ARHGAP6: variants seen among roughly 807,000 people sequenced by gnomAD.
ARHGAP6 encodes the protein Rho GTPase activating protein 6.
Under a neutral mutation model 55.7 loss-of-function variants are expected in ARHGAP6, and 16 were observed. The ratio of observed to expected loss-of-function variants is 0.29; its 90% CI spans 0.19 to 0.44. The LOEUF is 0.44. Ranked by LOEUF, ARHGAP6 falls within the 20% of genes least tolerant of loss-of-function variation. The probability of loss-of-function intolerance (pLI) is 1.00; values close to 1 mark genes in which losing one functional copy is unlikely to be tolerated. For missense variants in ARHGAP6, 698 were observed against 808.9 expected, an observed-to-expected ratio of 0.86 and a Z score of 1.66; for synonymous variants, 382 against 360.9, an observed-to-expected ratio of 1.06 and a Z score of -0.66.
intron 1 of ARHGAP6, among the ~76,000 whole-genome samples, chrX:11,344,694 A>AG (rs1267724989): frequency 0.013 from 1,277 of 101,245 alleles, 37 homozygotes; most frequent in African/African-American, 0.036. Context: ...AAAAAAAAAA[A>AG]AAAAAAAAAA....
chrX:11,543,521 T>C (rs987238044), intron 1 of ARHGAP6, among the ~76,000 whole-genome samples: 1 of 112,107 alleles, frequency 8.9e-6, no homozygotes, highest in Non-Finnish European at 1.9e-5. Context: ...CACAAAGAAT[T>C]ATCCAGTTCC....
chrX:11,153,440 G>A (rs771642652), intron 10 of ARHGAP6, among the ~76,000 whole-genome samples: 7 of 100,134 alleles, frequency 7.0e-5, no homozygotes, highest in Admixed American at 4.6e-4. Context: ...CAGGAGAATC[G>A]TTTGAACCCG....
At chrX:11,388,878 C>T (rs2049366944) in intron 1 of ARHGAP6, among the ~76,000 whole-genome samples, 1 of 111,727 alleles carries the variant, frequency 9.0e-6, no homozygotes, top group African/African-American at 3.3e-5. Context: ...AAATAGAAAT[C>T]CAGTGTACCA....
At chrX:11,303,787 T>C (rs1179654476) in intron 1 of ARHGAP6, among the ~76,000 whole-genome samples, 1 of 111,411 alleles carries the variant, frequency 9.0e-6, no homozygotes, top group Non-Finnish European at 1.9e-5. Context: ...AACCAAACCG[T>C]TTGATTCACA....
chrX:11,641,548 T>C (rs1261636410), intron 1 of ARHGAP6, among the ~76,000 whole-genome samples: 1 of 111,751 alleles, frequency 8.9e-6, no homozygotes, highest in East Asian at 2.8e-4. Context: ...AACAGCTCGG[T>C]CAAGTTAGCA....
At chrX:11,553,344 C>A (rs951739680) in intron 1 of ARHGAP6, among the ~76,000 whole-genome samples, 3 of 110,027 alleles carry the variant, frequency 2.7e-5, no homozygotes, top group Non-Finnish European at 5.7e-5. Flanking sequence ...TGGGCTCAAG[C>A]GATCCTCTGA....
chrX:11,643,295 T>C (rs1303862495), intron 1 of ARHGAP6, among the ~76,000 whole-genome samples: 1 of 112,127 alleles, frequency 8.9e-6, no homozygotes, highest in East Asian at 2.8e-4. Context: ...ACAAATAGTG[T>C]ATTTAATATT....
chrX:11,272,469 G>A (rs935379353), intron 1 of ARHGAP6, among the ~76,000 whole-genome samples: 8 of 109,282 alleles, frequency 7.3e-5, no homozygotes, highest in African/African-American at 2.7e-4. Context: ...ATGTACCTTT[G>A]CTTCCCTCCC....
At chrX:11,502,890 C>T (rs950595156) in intron 1 of ARHGAP6, among the ~76,000 whole-genome samples, 2 of 109,449 alleles carry the variant, frequency 1.8e-5, no homozygotes, top group African/African-American at 6.6e-5. Flanking sequence ...TGCAGATTTT[C>T]TTTTTTTTCT....
chrX:11,471,168 G>A (rs2050343093), intron 1 of ARHGAP6, among the ~76,000 whole-genome samples: 2 of 111,482 alleles, frequency 1.8e-5, no homozygotes, highest in Admixed American at 1.9e-4. Context: ...CAACTTTTCT[G>A]TAAATCTAAA....
chrX:11,320,378 T>C (rs2048416907), intron 1 of ARHGAP6, among the ~76,000 whole-genome samples: 1 of 111,901 alleles, frequency 8.9e-6, no homozygotes, highest in Non-Finnish European at 1.9e-5. Context: ...TTTTAATGGA[T>C]AAACAACTGC....
At chrX:11,427,467 A>C in intron 1 of ARHGAP6, 1 of 907,594 alleles carries the variant, frequency 1.1e-6, no homozygotes, top group South Asian at 2.4e-5. Flanking sequence ...GGGAGCCCCG[A>C]CTACCATCGC....
At chrX:11,373,753 T>C (rs1319285722) in intron 1 of ARHGAP6, among the ~76,000 whole-genome samples, 1 of 111,794 alleles carries the variant, frequency 8.9e-6, no homozygotes, top group Non-Finnish European at 1.9e-5. Context: ...GTGGGTAAAT[T>C]TGATTTGTTT....
chrX:11,526,548 T>C (rs541903861), intron 1 of ARHGAP6, among the ~76,000 whole-genome samples: 3 of 111,883 alleles, frequency 2.7e-5, no homozygotes, highest in Middle Eastern at 9.3e-3. Context: ...TTTGGGTTCA[T>C]TTCTACATTC....
chrX:11,519,458 C>T (rs746788426), intron 1 of ARHGAP6, among the ~76,000 whole-genome samples: 61 of 105,881 alleles, frequency 5.8e-4, no homozygotes, highest in African/African-American at 2.1e-3. Flanking sequence ...TGTTCATGTC[C>T]TTCGCCCACT....
intron 1 of ARHGAP6, among the ~76,000 whole-genome samples, chrX:11,383,635 T>C (rs1022059808): frequency 9.0e-6 from 1 of 111,496 alleles, no homozygotes; most frequent in Non-Finnish European, 1.9e-5. Context: ...TATCAGCCCA[T>C]ATGAGGACTG....
intron 2 of ARHGAP6, among the ~76,000 whole-genome samples, chrX:11,224,740 G>A (rs2047023548): frequency 9.0e-6 from 1 of 110,608 alleles, no homozygotes; most frequent in Non-Finnish European, 1.9e-5. Flanking sequence ...TGGGCATTGG[G>A]CAGTGAAAAG....
intron 1 of ARHGAP6, among the ~76,000 whole-genome samples, chrX:11,268,598 T>C (rs1159961789): frequency 1.8e-5 from 2 of 111,674 alleles, no homozygotes; most frequent in Non-Finnish European, 3.8e-5. Flanking sequence ...AGTGGTCATA[T>C]GACTGGAGTC....
chrX:11,470,065 T>C (rs903349931), intron 1 of ARHGAP6, among the ~76,000 whole-genome samples: 1 of 111,816 alleles, frequency 8.9e-6, no homozygotes. Context: ...ATGTTGTAAG[T>C]TGTAGGTATG....
Sources: gnomAD v4.1 joint callset for allele counts (sites outside exome capture counted in the v4.1 genomes callset) on GRCh38, gnomAD v4.1.1 for gene constraint, MANE v1.5 for transcripts, NCBI Gene and HGNC (gene_info 2026-07-23, HGNC 2026-07-21) for gene names.